Variants in GFPT2 observed in about 807,000 individuals in gnomAD.
GFPT2 encodes glutamine--fructose-6-phosphate aminotransferase [isomerizing] 2.
In GFPT2, 62 loss-of-function variants were observed where a neutral mutation model predicts 85.6. That is an observed-to-expected ratio of 0.72 (90% CI 0.59 to 0.90). GFPT2 has a LOEUF of 0.90. Ranked by LOEUF, GFPT2 falls within the 40% of genes least tolerant of loss-of-function variation. The pLI is 0.00. For synonymous variants in GFPT2, 368 were observed against 344.5 expected (o/e 1.07, Z -0.75); for missense variants, 788 against 893.4 (o/e 0.88, Z 1.50).
chr5:180,349,955 G>C (rs1764680698), intron 1 of GFPT2, among the ~76,000 whole-genome samples: 1 of 151,954 alleles, frequency 6.6e-6, no homozygotes, highest in Non-Finnish European at 1.5e-5. Context: ...TTCGTGGATG[G>C]GAAGCGCAAA....
rs1473185413 is a variant in GFPT2 at position 180,323,265 on chromosome 5, G to A, written c.794+923C>T. ...TTCTAAGGGGCACCATTTGGGAAGCGCTGCCTTGACCTCAGCGTTAAGTAT... is the reference window on the plus strand; with the variant it reads ...TTCTAAGGGGCACCATTTGGGAAGCACTGCCTTGACCTCAGCGTTAAGTAT... On this transcript the variant is annotated intron_variant, in intron 9 of 18. Coordinates refer to ENST00000253778, the MANE Select transcript of GFPT2 (RefSeq NM_005110.4). The surrounding 1 kb of genome is among the most constrained non-coding windows in gnomAD (Gnocchi z 4.0). 2.0e-5 allele frequency among the ~76,000 whole-genome samples: 3 copies of A among 152,130 alleles called. No individual in the cohort carries two copies. Among genetic ancestry groups the A allele is most frequent in the Non-Finnish European group, 2.9e-5 (2 of 68,030 alleles).
At position 180,328,207 on chromosome 5, in the gene GFPT2, C is replaced by T. The variant is rs143745805; in HGVS notation, c.596+70G>A. On this transcript the variant is annotated intron_variant, in intron 7 of 18. Coordinates refer to ENST00000253778, the MANE Select transcript of GFPT2 (RefSeq NM_005110.4). The surrounding 1 kb of genome is among the most constrained non-coding windows in gnomAD (Gnocchi z 5.4). ...AGCGTGCCACAGGCCCTACCTCTCC[C>T]GTCTCCCTCCAGCTAAGTGATTTTA... is the stretch of plus-strand genomic sequence containing the variant. The T allele has an allele frequency of 9.0e-5, 106 of 1,176,546 alleles. 1 individual carries two copies. The East Asian group carries it at 1.2e-3, about 14-fold the overall frequency. 72.9% of individuals were successfully genotyped at this position (1,176,546 alleles called of 1,614,324 possible).
chr5:180,339,019 G>A (rs539304490), intron 1 of GFPT2, among the ~76,000 whole-genome samples: 2 of 152,290 alleles, frequency 1.3e-5, no homozygotes, highest in African/African-American at 4.8e-5. Context: ...CAGGGCAGAT[G>A]GGACAGGCGC....
intron 1 of GFPT2, among the ~76,000 whole-genome samples, chr5:180,338,874 C>T (rs375926784): frequency 6.6e-6 from 1 of 152,176 alleles, no homozygotes; most frequent in Non-Finnish European, 1.5e-5. Context: ...CAGCTTTCAG[C>T]GTGGCAATGT....
At chr5:180,321,841 T>A (rs1240230851) in intron 9 of GFPT2, among the ~76,000 whole-genome samples, 2 of 152,242 alleles carry the variant, frequency 1.3e-5, no homozygotes, top group Non-Finnish European at 2.9e-5. Flanking sequence ...TGGAGTGCAG[T>A]GGCGCGATCT....
intron 1 of GFPT2, among the ~76,000 whole-genome samples, chr5:180,348,222 G>A (rs549449705): frequency 1.1e-4 from 16 of 152,342 alleles, no homozygotes; most frequent in Non-Finnish European, 1.9e-4. Flanking sequence ...AGAAGAGTAC[G>A]GCCAGTTGAA....
intron 16 of GFPT2, 54 bp from the exon 17 acceptor site, chr5:180,304,993 A>G (rs1763747980): frequency 2.5e-5 from 32 of 1,303,454 alleles, no homozygotes; most frequent in Non-Finnish European, 3.2e-5. Flanking sequence ...GCTGGAGCAG[A>G]TCAGCCAGAG....
At chr5:180,352,506 CGGGAGCG>C in intron 1 of GFPT2, 8 of 447,298 alleles carry the variant, frequency 1.8e-5, no homozygotes, top group Non-Finnish European at 3.6e-5. Flanking sequence ...CGGGACAGCG[CGGGAGCG>C]CCGCGGGAAT....
In GFPT2 at chr5:180,341,147, C is replaced by A. The variant is rs763180165; in HGVS notation, c.8-2547G>T. Among the ~76,000 whole-genome samples the A allele has an allele frequency of 2.6e-5, 4 of 152,264 alleles. No individual in the cohort carries two copies. In the South Asian group the frequency reaches 8.3e-4, roughly 32 times the overall value. On this transcript the variant is annotated intron_variant, in intron 1 of 18. Transcript: ENST00000253778. ...GAGCCAGAGTGGAACCAAGAATCCCCGACTCAGGACTTAAACACTCCTACC... is the reference window on the plus strand; with the variant it reads ...GAGCCAGAGTGGAACCAAGAATCCCAGACTCAGGACTTAAACACTCCTACC...
At chr5:180,315,368 C>T (rs1156892714) in intron 13 of GFPT2, among the ~76,000 whole-genome samples, 5 of 152,048 alleles carry the variant, frequency 3.3e-5, no homozygotes, top group South Asian at 2.1e-4. Flanking sequence ...TTAGTAGAGA[C>T]GGGGTTTCAC....
intron 1 of GFPT2, among the ~76,000 whole-genome samples, chr5:180,341,381 A>G (rs2127656839): frequency 6.6e-6 from 1 of 152,320 alleles, no homozygotes; most frequent in African/African-American, 2.4e-5. Flanking sequence ...AATTAAGAAG[A>G]TCAGATTCAT....
At chr5:180,346,191 T>A (rs1280662457) in intron 1 of GFPT2, among the ~76,000 whole-genome samples, 2 of 152,130 alleles carry the variant, frequency 1.3e-5, no homozygotes, top group South Asian at 4.1e-4. Context: ...GGGATAGAGA[T>A]GGCATCGGAG....
In GFPT2 at chr5:180,328,423, C is replaced by A; in HGVS notation, c.535-85G>T. The A allele has an allele frequency of 9.2e-7, 1 of 1,082,738 alleles. No individual in the cohort carries two copies. The highest frequency in any genetic ancestry group is 1.5e-5 in the African/African-American group (1 of 64,842). The allele number at this position is 1,082,738 out of a possible 1,614,324, so 67.1% of individuals were successfully genotyped here. On this transcript the variant is annotated intron_variant, in intron 6 of 18. Coordinates refer to ENST00000253778, the MANE Select transcript of GFPT2 (RefSeq NM_005110.4). The surrounding 1 kb of genome is among the most constrained non-coding windows in gnomAD (Gnocchi z 5.4). ...CACAGCCCAGGTGCGTCTCCCTGGG[C>A]CCCTCCTGATGGCGGGAGGTCCTGG...
chr5:180,353,064 C>G (rs1764748594), intron 1 of GFPT2, 147 bp downstream of exon 1: 3 of 613,956 alleles, frequency 4.9e-6, no homozygotes, highest in Non-Finnish European at 7.0e-6. Flanking sequence ...GCCCGGCCGA[C>G]GACAGCCCCT....
intron 16 of GFPT2, among the ~76,000 whole-genome samples, chr5:180,305,686 C>A (rs1377037404): frequency 6.6e-6 from 1 of 152,232 alleles, no homozygotes; most frequent in Non-Finnish European, 1.5e-5. Flanking sequence ...CATGCGGAGG[C>A]ATAGCTGCAA....
chr5:180,337,414 C>A (rs1234282948), intron 2 of GFPT2, among the ~76,000 whole-genome samples: 5 of 147,840 alleles, frequency 3.4e-5, no homozygotes, highest in Admixed American at 3.4e-4. Flanking sequence ...GATCGCGCCA[C>A]TGCACTTCAG....
Position 180,335,830 on chromosome 5 carries a change from T to C in GFPT2, c.338A>G (p.Asn113Ser), listed in dbSNP as rs776673969. 8 of 1,601,560 alleles carry C rather than the reference T, an allele frequency of 5.0e-6. No homozygotes were observed. Among genetic ancestry groups the C allele is most frequent in the African/African-American group, 2.7e-5 (2 of 73,786 alleles). ...GGACGGGGAAGCATGCCACATACCGTTGCCTTTGTCTGAGCGCTGAGGGTG... is the reference window on the plus strand; with the variant it reads ...GGACGGGGAAGCATGCCACATACCGCTGCCTTTGTCTGAGCGCTGAGGGTG... Reference protein sequence around the residue: ...NSHPQRSDKGNEFVVIHNGII... With the variant: ...NSHPQRSDKGSEFVVIHNGII... The change falls in exon 4 of 19, where the codon AAC (asparagine) becomes AGC (serine). Residue 113 changes from asparagine to serine, a missense_variant and splice_region_variant. Asn to Ser is a conservative substitution (Grantham distance 46, BLOSUM62 1). Transcript: ENST00000253778.
chr5:180,309,478 C>A (rs1339219016), intron 15 of GFPT2, among the ~76,000 whole-genome samples: 1 of 152,032 alleles, frequency 6.6e-6, no homozygotes, highest in Admixed American at 6.6e-5. Context: ...TGGAGTGCAA[C>A]GGCGTGATCT....
intron 12 of GFPT2, 140 bp downstream of exon 12, chr5:180,316,624 G>A (rs1012879678): frequency 1.1e-5 from 10 of 904,552 alleles, no homozygotes; most frequent in East Asian, 2.6e-5. Flanking sequence ...AAAGGGCTCC[G>A]TGTCATTTCT....
Sources: gnomAD v4.1 joint callset for allele counts (sites outside exome capture counted in the v4.1 genomes callset) on GRCh38, gnomAD v4.1.1 for gene constraint, Gnocchi (gnomAD v3.1) non-coding constraint, MANE v1.5 for transcripts, NCBI Gene and HGNC (gene_info 2026-07-23, HGNC 2026-07-21) for gene names.